Variants in MPP7 observed in about 807,000 individuals in gnomAD.
The protein encoded by MPP7 is MAGUK p55 scaffold protein 7, also known as MAGUK p55 subfamily member 7.
In MPP7, 60 loss-of-function variants were observed where a neutral mutation model predicts 76.5. That is an observed-to-expected ratio of 0.78 (90% CI 0.64 to 0.97). MPP7 has a LOEUF of 0.97. Ranked by LOEUF, MPP7 falls within the 50% of genes least tolerant of loss-of-function variation. MPP7 has a pLI of 0.00. For missense variants in MPP7, 641 were observed against 694.0 expected, an observed-to-expected ratio of 0.92 and a Z score of 0.86; for synonymous variants, 237 against 244.5, an observed-to-expected ratio of 0.97 and a Z score of 0.29.
At chr10:28,120,156 A>AGCTGGAGAAAAGCCC (rs775740783) in intron 10 of MPP7, 38 bp downstream of exon 10, 6 of 1,585,500 alleles carry the variant, frequency 3.8e-6, no homozygotes, top group Non-Finnish European at 5.2e-6. Flanking sequence ...ACAAAAGGTC[A>AGCTGGAGAAAAGCCC]GCTGGAGAAA....
intron 3 of MPP7, among the ~76,000 whole-genome samples, chr10:28,160,867 G>A (rs990332681): frequency 6.6e-6 from 1 of 152,180 alleles, no homozygotes; most frequent in African/African-American, 2.4e-5. Flanking sequence ...CTGAAAAGTA[G>A]CTTTGGGGAA....
intron 1 of MPP7, among the ~76,000 whole-genome samples, chr10:28,255,935 G>A (rs77705202): frequency 0.013 from 1,920 of 152,140 alleles, 40 homozygotes; most frequent in African/African-American, 0.044. Flanking sequence ...TAGTATGAGT[G>A]TTTTACTTCC....
chr10:28,059,815 C>G (rs1315127641), intron 13 of MPP7, 72 bp from the exon 14 acceptor site: 2 of 1,014,468 alleles, frequency 2.0e-6, no homozygotes, highest in African/African-American at 3.3e-5. Flanking sequence ...AAAAAGAAAT[C>G]AAGGGTATTT....
At chr10:28,054,323 T>C (rs1447955227) in intron 16 of MPP7, 79 bp from the exon 17 acceptor site, 11 of 824,030 alleles carry the variant, frequency 1.3e-5, no homozygotes, top group African/African-American at 5.2e-5. Flanking sequence ...CATTCTACAA[T>C]TGGTTTACCT....
At chr10:28,080,284 G>C (rs1484700938) in intron 12 of MPP7, among the ~76,000 whole-genome samples, 2 of 152,120 alleles carry the variant, frequency 1.3e-5, no homozygotes, top group Non-Finnish European at 2.9e-5. Context: ...ACTATGACAA[G>C]AGTGCAATAA....
rs1841201616 is a variant in MPP7, at chr10:28,302,980, C to A, written c.-251G>T. ...GCCGCAGAGGACAATCGGGAGCCAGCGGGCTCGGCACCGCCGCGGCGGGCG... is the reference window on the plus strand; with the variant it reads ...GCCGCAGAGGACAATCGGGAGCCAGAGGGCTCGGCACCGCCGCGGCGGGCG... On this transcript the variant is annotated 5_prime_UTR_variant, in exon 1 of 17. Transcript: ENST00000683449. Among the ~76,000 whole-genome samples, 1 of 150,800 alleles carries A rather than the reference C, an allele frequency of 6.6e-6. No homozygotes were observed. The highest frequency in any genetic ancestry group is 1.5e-5 in the Non-Finnish European group (1 of 67,322).
At chr10:28,275,567 T>C (rs888770414) in intron 1 of MPP7, among the ~76,000 whole-genome samples, 4 of 151,630 alleles carry the variant, frequency 2.6e-5, no homozygotes, top group African/African-American at 7.3e-5. Context: ...CCACCACGCC[T>C]GGCTAATTTT....
At chr10:28,072,010 A>T (rs1306022667) in intron 12 of MPP7, among the ~76,000 whole-genome samples, 1 of 152,206 alleles carries the variant, frequency 6.6e-6, no homozygotes, top group Non-Finnish European at 1.5e-5. Context: ...GCGGTGGCTC[A>T]CACATATAAT....
chr10:28,134,827 C>T (rs1835305534), intron 5 of MPP7, among the ~76,000 whole-genome samples: 1 of 151,986 alleles, frequency 6.6e-6, no homozygotes, highest in Non-Finnish European at 1.5e-5. Context: ...AAGAAGAAAA[C>T]TGATTGACAG....
intron 1 of MPP7, among the ~76,000 whole-genome samples, chr10:28,274,094 T>C (rs549708690): frequency 6.8e-6 from 1 of 147,212 alleles, no homozygotes; most frequent in Admixed American, 6.7e-5. Flanking sequence ...TAAAATAAAA[T>C]TTTTTTCTTT....
At chr10:28,124,466 ATTTTTTTTTTT>A (rs5784042) in intron 7 of MPP7, among the ~76,000 whole-genome samples, 6 of 80,082 alleles carry the variant, frequency 7.5e-5, no homozygotes, top group African/African-American at 1.5e-4. Flanking sequence ...AAGAAACAAG[ATTTTTTTTTTT>A]TTTTTTTTTT....
At chr10:28,193,463 G>A (rs1370705907) in intron 3 of MPP7, among the ~76,000 whole-genome samples, 3 of 151,968 alleles carry the variant, frequency 2.0e-5, no homozygotes, top group Non-Finnish European at 2.9e-5. Flanking sequence ...CGCCCGCCTC[G>A]GCCTCCCAAA....
chr10:28,198,438 G>C (rs1166051839), intron 3 of MPP7, among the ~76,000 whole-genome samples: 3 of 152,062 alleles, frequency 2.0e-5, no homozygotes, highest in Non-Finnish European at 4.4e-5. Context: ...AGCCGGGACT[G>C]GTGACAGACG....
intron 1 of MPP7, among the ~76,000 whole-genome samples, chr10:28,293,979 GGC>G (rs1840981912): frequency 1.3e-5 from 2 of 152,166 alleles, no homozygotes; most frequent in Admixed American, 1.3e-4. Flanking sequence ...AAATGAACCA[GGC>G]ATTCAGCAAG....
chr10:28,189,817 C>T (rs1720109624), intron 3 of MPP7, among the ~76,000 whole-genome samples: 1 of 151,856 alleles, frequency 6.6e-6, no homozygotes, highest in Admixed American at 6.6e-5. Context: ...TAAATATTAA[C>T]CAACTATATC....
At chr10:28,272,098 A>G (rs1317654793) in intron 1 of MPP7, among the ~76,000 whole-genome samples, 1 of 152,230 alleles carries the variant, frequency 6.6e-6, no homozygotes, top group Non-Finnish European at 1.5e-5. Context: ...TCTGAAAATG[A>G]GGCAGACTAA....
chr10:28,078,272 C>G (rs2133395188), intron 12 of MPP7, among the ~76,000 whole-genome samples: 1 of 152,292 alleles, frequency 6.6e-6, no homozygotes, highest in African/African-American at 2.4e-5. Flanking sequence ...CAGGAATAGG[C>G]AGAGATTCAG....
At chr10:28,321,653 C>G (rs1009395461) in intron 2 of MPP7, among the ~76,000 whole-genome samples, 5 of 152,116 alleles carry the variant, frequency 3.3e-5, no homozygotes, top group African/African-American at 1.2e-4. Flanking sequence ...GGTGCGATCT[C>G]AGCTCACTGC....
chr10:28,265,244 AT>A (rs1170566606), intron 1 of MPP7, among the ~76,000 whole-genome samples: 1 of 152,254 alleles, frequency 6.6e-6, no homozygotes, highest in African/African-American at 2.4e-5. Flanking sequence ...AAAGAACAGA[AT>A]TATGAGCTCA....
Sources: gnomAD v4.1 joint callset for allele counts (sites outside exome capture counted in the v4.1 genomes callset) on GRCh38, gnomAD v4.1.1 for gene constraint, MANE v1.5 for transcripts, NCBI Gene and HGNC (gene_info 2026-07-23, HGNC 2026-07-21) for gene names.